Variants in HECW1 observed in about 807,000 individuals in gnomAD.
HECW1 encodes HECT, C2 and WW domain containing E3 ubiquitin protein ligase 1.
A neutral mutation model predicts 182.3 loss-of-function variants in HECW1; 61 were observed. That is an observed-to-expected ratio of 0.33 (90% CI 0.27 to 0.41). HECW1 has a LOEUF of 0.41. Ranked by LOEUF, HECW1 falls within the 10% of genes least tolerant of loss-of-function variation. The pLI, the probability that HECW1 is intolerant of heterozygous loss-of-function variation, is 1.00. For synonymous variants in HECW1, 859 were observed against 832.6 expected, an observed-to-expected ratio of 1.03 and a Z score of -0.55; for missense variants, 1,739 against 2,108.9, an observed-to-expected ratio of 0.82 and a Z score of 3.44.
chr7:43,373,978 T>C (rs1403676058), intron 6 of HECW1, among the ~76,000 whole-genome samples: 2 of 152,208 alleles, frequency 1.3e-5, no homozygotes, highest in African/African-American at 4.8e-5. Flanking sequence ...ATTTCCTCCC[T>C]TTTTAAGGCT....
intron 8 of HECW1, among the ~76,000 whole-genome samples, chr7:43,429,742 G>A (rs1220968606): frequency 6.6e-6 from 1 of 152,130 alleles, no homozygotes; most frequent in African/African-American, 2.4e-5. Context: ...CTTTTACACA[G>A]AAAGCACCAT....
intron 8 of HECW1, among the ~76,000 whole-genome samples, chr7:43,415,191 A>G (rs1296541139): frequency 8.0e-5 from 12 of 149,536 alleles, no homozygotes; most frequent in East Asian, 5.8e-4. Context: ...CATGTTTAGC[A>G]CTTCCTTCAG....
chr7:43,402,024 G>A (rs530641442), intron 7 of HECW1, among the ~76,000 whole-genome samples: 46 of 151,964 alleles, frequency 3.0e-4, no homozygotes, highest in Non-Finnish European at 6.3e-4. Context: ...GAGATTGGCC[G>A]AGGGACAGCC....
At chr7:43,118,531 T>C (rs1785266458) in intron 2 of HECW1, 1 of 152,302 alleles carries the variant, frequency 6.6e-6, no homozygotes, top group African/African-American at 2.4e-5. Flanking sequence ...TCATCCTCTT[T>C]CCTGTAACAC....
chr7:43,247,683 G>A (rs1490727278), intron 3 of HECW1, among the ~76,000 whole-genome samples: 4 of 144,618 alleles, frequency 2.8e-5, no homozygotes, highest in African/African-American at 1.0e-4. Flanking sequence ...GAGGGAGGGA[G>A]GGAGGGAGGA....
At chr7:43,368,878 A>G (rs992676699) in intron 6 of HECW1, among the ~76,000 whole-genome samples, 12 of 152,182 alleles carry the variant, frequency 7.9e-5, no homozygotes, top group Admixed American at 2.0e-4. Context: ...TTGGTTCTAA[A>G]CCTTCTCTTC....
chr7:43,153,376 A>AC (rs770485279), intron 2 of HECW1, among the ~76,000 whole-genome samples: 3 of 152,208 alleles, frequency 2.0e-5, no homozygotes, highest in Admixed American at 1.3e-4. Flanking sequence ...ACTTTGGGGT[A>AC]ACATTTCCAC....
At chr7:43,354,134 A>G (rs1562876246) in intron 5 of HECW1, among the ~76,000 whole-genome samples, 2 of 152,242 alleles carry the variant, frequency 1.3e-5, no homozygotes, top group East Asian at 3.9e-4. Context: ...GAAAAAAAAG[A>G]AAGATATCAA....
chr7:43,310,942 T>G (rs1222078201), intron 3 of HECW1, among the ~76,000 whole-genome samples: 1 of 152,210 alleles, frequency 6.6e-6, no homozygotes, highest in Non-Finnish European at 1.5e-5. Flanking sequence ...GAATCACCCT[T>G]GCTTGTTTCT....
At chr7:43,195,421 C>T (rs982608544) in intron 2 of HECW1, among the ~76,000 whole-genome samples, 9 of 152,168 alleles carry the variant, frequency 5.9e-5, no homozygotes, top group African/African-American at 9.7e-5. Flanking sequence ...CTGGCTGCCT[C>T]AGGAAGTTGC....
intron 3 of HECW1, among the ~76,000 whole-genome samples, chr7:43,291,652 G>A (rs1049858540): frequency 1.3e-5 from 2 of 152,108 alleles, no homozygotes; most frequent in East Asian, 3.9e-4. Context: ...CAACAACAAA[G>A]GAAACTTTGA....
At chr7:43,474,282 TA>T (rs1298391423) in intron 16 of HECW1, among the ~76,000 whole-genome samples, 1 of 152,030 alleles carries the variant, frequency 6.6e-6, no homozygotes, top group Non-Finnish European at 1.5e-5. Flanking sequence ...ACCCCGTCTC[TA>T]CTAAAAATAC....
intron 19 of HECW1, among the ~76,000 whole-genome samples, chr7:43,500,019 G>A (rs1162350067): frequency 1.3e-5 from 2 of 151,940 alleles, no homozygotes; most frequent in African/African-American, 2.4e-5. Context: ...TTTTCCATCA[G>A]GCACAAGATT....
At chr7:43,284,036 C>T (rs1804275857) in intron 3 of HECW1, among the ~76,000 whole-genome samples, 1 of 151,984 alleles carries the variant, frequency 6.6e-6, no homozygotes, top group South Asian at 2.1e-4. Flanking sequence ...GAGTCAGGGG[C>T]CTGGGCTAAT....
intron 2 of HECW1, among the ~76,000 whole-genome samples, chr7:43,120,693 G>C (rs1461920681): frequency 6.6e-6 from 1 of 152,108 alleles, no homozygotes; most frequent in Non-Finnish European, 1.5e-5. Flanking sequence ...ACCGAGGCTT[G>C]AGTGCAGTGG....
intron 2 of HECW1, among the ~76,000 whole-genome samples, chr7:43,180,941 A>G (rs1792793515): frequency 6.6e-6 from 1 of 152,074 alleles, no homozygotes; most frequent in Non-Finnish European, 1.5e-5. Flanking sequence ...AGCTGAACTT[A>G]TTCCTCCTAT....
At chr7:43,340,619 A>AT (rs1470406874) in intron 5 of HECW1, among the ~76,000 whole-genome samples, 2 of 151,570 alleles carry the variant, frequency 1.3e-5, no homozygotes, top group African/African-American at 4.9e-5. Flanking sequence ...AACAAAATGC[A>AT]TTTTTTGATT....
chr7:43,273,904 T>G (rs934954822), intron 3 of HECW1, among the ~76,000 whole-genome samples: 2 of 150,250 alleles, frequency 1.3e-5, no homozygotes, highest in African/African-American at 4.9e-5. Flanking sequence ...CAAGCTGGAG[T>G]GCGGTGGCAC....
intron 3 of HECW1, among the ~76,000 whole-genome samples, chr7:43,244,935 G>A (rs80025311): frequency 0.035 from 5,320 of 152,286 alleles, 171 homozygotes; most frequent in East Asian, 0.19. Flanking sequence ...ACGCGTCAGC[G>A]GGCGGGAAGA....
Sources: allele counts gnomAD v4.1 joint callset (sites outside exome capture counted in the v4.1 genomes callset), GRCh38; gene constraint gnomAD v4.1.1; transcripts MANE v1.5; gene names NCBI Gene and HGNC (gene_info 2026-07-23, HGNC 2026-07-21).